The following ASCC3 variants were observed in gnomAD, a reference collection of about 807,000 sequenced individuals.
ASCC3 encodes ASC-1 complex subunit P200.
ASCC3 carries 158 observed loss-of-function variants against 256.3 expected under a neutral mutation model. The ratio of observed to expected loss-of-function variants is 0.62; its 90% CI spans 0.54 to 0.70. ASCC3 has a LOEUF of 0.70. ASCC3 is among the 30% of genes least tolerant of loss of function. ASCC3 has a pLI of 0.00. For missense variants in ASCC3, 2,259 were observed against 2,626.0 expected (o/e 0.86, Z 3.05); for synonymous variants, 948 against 883.4 (o/e 1.07, Z -1.30).
rs1440297681 is a variant in ASCC3, at chr6:100,642,540, T to C, written c.3901+41A>G. The C allele has an allele frequency of 1.9e-6, 3 of 1,604,420 alleles. No homozygotes were observed. In the South Asian group the frequency reaches 3.3e-5, roughly 18 times the overall value. On this transcript the variant is annotated intron_variant, in intron 24 of 41. Coordinates refer to ENST00000369162, the MANE Select transcript of ASCC3 (RefSeq NM_006828.4). ...TTCAACATTAATTAAAACAACCATT[T>C]TGGAAAAATCAATGATTCAAATCAG...
chr6:100,509,284 A>G lies in ASCC3; in HGVS notation c.*102T>C. 6.7e-7 allele frequency: 1 copy of G among 1,492,216 alleles called. No individual in the cohort carries two copies. The highest frequency in any genetic ancestry group is 9.3e-7 in the Non-Finnish European group (1 of 1,073,116). 92.4% of individuals were successfully genotyped at this position (1,492,216 alleles called of 1,614,324 possible). On this transcript the variant is annotated 3_prime_UTR_variant, in exon 42 of 42. Transcript: ENST00000369162. ...AATTTCCTGGATGGTTGAGGTTAGA[A>G]GTTGATTCTTTCAAGGCAAACATCA...
intron 13 of ASCC3, among the ~76,000 whole-genome samples, chr6:100,681,555 C>T (rs111717607): frequency 2.3e-4 from 35 of 151,518 alleles, no homozygotes; most frequent in Admixed American, 1.4e-3. Flanking sequence ...GGTGAAACCC[C>T]GTCTCTACTA....
chr6:100,693,175 CTG>C (rs1422144922), intron 13 of ASCC3, among the ~76,000 whole-genome samples: 2 of 151,990 alleles, frequency 1.3e-5, no homozygotes, highest in African/African-American at 4.8e-5. Flanking sequence ...ACACTCATAA[CTG>C]TTATTTATGT....
chr6:100,668,963 G>A (rs923546541), intron 14 of ASCC3, among the ~76,000 whole-genome samples: 1 of 151,402 alleles, frequency 6.6e-6, no homozygotes, highest in South Asian at 2.1e-4. Flanking sequence ...GTCTATTGAT[G>A]TTCTAGACAA....
chr6:100,867,024 T>C (rs1241642898), intron 2 of ASCC3, among the ~76,000 whole-genome samples: 1 of 152,224 alleles, frequency 6.6e-6, no homozygotes, highest in Non-Finnish European at 1.5e-5. Flanking sequence ...TATACCTTTT[T>C]AAGACTTATA....
rs192002431 is a variant in ASCC3 at position 100,728,472 on chromosome 6, C to T, written c.1738-2769G>A. 2.5e-3 allele frequency among the ~76,000 whole-genome samples: 373 copies of T among 151,930 alleles called. 2 individuals carry two copies. The highest frequency in any genetic ancestry group is 8.4e-3 in the African/African-American group (350 of 41,462). Reference sequence around the variant, plus strand: ...GCTGAAATATGCATGCGTTGTGACCCAGCAATTCCATTTCCTAATATACTA... The same window carrying T: ...GCTGAAATATGCATGCGTTGTGACCTAGCAATTCCATTTCCTAATATACTA... On this transcript the variant is annotated intron_variant, in intron 10 of 41. Coordinates refer to ENST00000369162, the MANE Select transcript of ASCC3 (RefSeq NM_006828.4).
In ASCC3 at chr6:100,571,576, CT is replaced by C. The variant is rs569030868; in HGVS notation, c.5550+18057del. ...ATTATTAAATAATAGCTAACATTTA[CT>C]GATTATTGCAAATAAGCAAAAAATT... On this transcript the variant is annotated intron_variant, in intron 36 of 41. Transcript: ENST00000369162. 8.5e-5 allele frequency among the ~76,000 whole-genome samples: 13 copies of C among 152,272 alleles called. No homozygotes were observed. The East Asian group carries it at 2.3e-3, about 27-fold the overall frequency.
chr6:100,641,484 C>A (rs1335808869), intron 24 of ASCC3, among the ~76,000 whole-genome samples: 2 of 152,150 alleles, frequency 1.3e-5, no homozygotes, highest in Non-Finnish European at 2.9e-5. Flanking sequence ...CTGTTGGCTG[C>A]ATAAATGTCT....
At chr6:100,829,022 C>G (rs957259416) in intron 4 of ASCC3, among the ~76,000 whole-genome samples, 4 of 152,128 alleles carry the variant, frequency 2.6e-5, no homozygotes, top group African/African-American at 7.2e-5. Flanking sequence ...ACTAGATTAG[C>G]TAGATACAGA....
At chr6:100,590,190 A>C (rs1378712910) in intron 34 of ASCC3, 131 bp from the exon 35 acceptor site, 1 of 691,936 alleles carries the variant, frequency 1.4e-6, no homozygotes. Context: ...AACATCACAA[A>C]ACTCACAGAA....
intron 37 of ASCC3, 125 bp from the exon 38 acceptor site, chr6:100,518,267 C>A: frequency 2.9e-6 from 3 of 1,038,998 alleles, no homozygotes; most frequent in African/African-American, 1.6e-5. Flanking sequence ...AATTACTATT[C>A]ATCAACATAG....
chr6:100,809,564 T>C (rs912548860), intron 4 of ASCC3, among the ~76,000 whole-genome samples: 16 of 151,902 alleles, frequency 1.1e-4, no homozygotes, highest in African/African-American at 3.9e-4. Flanking sequence ...ACTTGAAGAG[T>C]TTCTCAGTTT....
At chr6:100,567,126 A>T (rs1562124058) in intron 36 of ASCC3, among the ~76,000 whole-genome samples, 2 of 152,084 alleles carry the variant, frequency 1.3e-5, no homozygotes, top group Non-Finnish European at 2.9e-5. Flanking sequence ...TAATTTACTT[A>T]TTGAAAACAT....
intron 19 of ASCC3, among the ~76,000 whole-genome samples, chr6:100,651,104 A>G (rs1775646673): frequency 6.6e-6 from 1 of 151,576 alleles, no homozygotes; most frequent in Non-Finnish European, 1.5e-5. Context: ...CATTCATTAT[A>G]GTCATATATT....
intron 37 of ASCC3, among the ~76,000 whole-genome samples, chr6:100,532,969 GATACATATATCTCT>G (rs1774988647): frequency 6.6e-6 from 1 of 152,060 alleles, no homozygotes. Context: ...ACTTTTAAAA[GATACATATATCTCT>G]ATACATATGT....
chr6:100,568,448 C>T (rs116778634), intron 36 of ASCC3, among the ~76,000 whole-genome samples: 2,498 of 149,900 alleles, frequency 0.017, 64 homozygotes, highest in African/African-American at 0.057. Flanking sequence ...TGATGATTAG[C>T]GATGTGGAGC....
At chr6:100,620,865 T>C (rs1271709394) in intron 30 of ASCC3, among the ~76,000 whole-genome samples, 7 of 152,162 alleles carry the variant, frequency 4.6e-5, no homozygotes, top group Admixed American at 4.6e-4. Context: ...AAAGTTTTCC[T>C]ATTAATTATT....
In ASCC3 at chr6:100,800,335, A is replaced by G. The variant is rs2114343886; in HGVS notation, c.1092T>C (p.Leu364=). ...AGEDLEVSEG[L]MCFDPKELRI... The stretch of plus-strand genomic sequence containing the variant: ...GCAATTCCTTAGGATCAAAGCACAT[A>G]AGTCCTTCTGAAACTTCTAAATCTT... Residue 364 remains leucine (L), a synonymous_variant, in exon 6 of 42, where the codon CTT becomes CTC. Transcript: ENST00000369162. 1 of 1,612,870 alleles carries G rather than the reference A, an allele frequency of 6.2e-7. No homozygotes were observed. Among genetic ancestry groups the G allele is most frequent in the East Asian group, 2.2e-5 (1 of 44,788 alleles).
intron 25 of ASCC3, among the ~76,000 whole-genome samples, chr6:100,633,877 C>CAAA (rs60180833): frequency 1.4e-5 from 2 of 139,994 alleles, no homozygotes; most frequent in African/African-American, 5.3e-5. Flanking sequence ...AACTCCGTCT[C>CAAA]AAAAAAAAAA....
Sources: allele counts gnomAD v4.1 joint callset (sites outside exome capture counted in the v4.1 genomes callset), GRCh38; gene constraint gnomAD v4.1.1; transcripts MANE v1.5; gene names NCBI Gene and HGNC (gene_info 2026-07-23, HGNC 2026-07-21).